Variants in SYTL2 observed in about 807,000 individuals in gnomAD.
SYTL2 encodes the protein synaptotagmin like 2, also known as synaptotagmin-like protein 2.
A neutral mutation model predicts 198.7 loss-of-function variants in SYTL2; 165 were observed. The observed-to-expected ratio is 0.83, with a 90% CI of 0.73 to 0.94. The LOEUF is 0.94. Ranked by LOEUF, SYTL2 falls within the 40% of genes least tolerant of loss-of-function variation. The probability of loss-of-function intolerance (pLI) is 0.00; values close to 1 mark genes in which losing one functional copy is unlikely to be tolerated. For missense variants in SYTL2, 2,835 were observed against 2,582.8 expected, an observed-to-expected ratio of 1.10 and a Z score of -2.12; for synonymous variants, 966 against 917.7, an observed-to-expected ratio of 1.05 and a Z score of -0.95.
chr11:85,764,238 A>T (rs2092177548), intron 1 of SYTL2, among the ~76,000 whole-genome samples: 1 of 152,212 alleles, frequency 6.6e-6, no homozygotes. Context: ...TTGTTCCCTC[A>T]ACTGTTCCTC....
the SYTL2 span, among the ~76,000 whole-genome samples, chr11:85,840,883 C>T: frequency 1.6e-3 from 245 of 152,086 alleles, no homozygotes; most frequent in African/African-American, 5.5e-3. Flanking sequence ...CAAAAGAAAC[C>T]ATCAACAGAG....
intron 1 of SYTL2, among the ~76,000 whole-genome samples, chr11:85,792,793 A>T (rs1331056954): frequency 6.9e-6 from 1 of 145,586 alleles, no homozygotes; most frequent in East Asian, 2.0e-4. Flanking sequence ...CACACCCCAC[A>T]ACAGTCCCCA....
chr11:85,853,263 G>A, the SYTL2 span: 52 of 432,704 alleles, frequency 1.2e-4, no homozygotes, highest in Non-Finnish European at 1.2e-4. Flanking sequence ...GATTGTTGCC[G>A]TGTCTTGAGT....
the SYTL2 span, among the ~76,000 whole-genome samples, chr11:85,836,535 T>G: frequency 6.6e-6 from 1 of 152,036 alleles, no homozygotes; most frequent in Admixed American, 6.6e-5. Context: ...CAACCCTAAA[T>G]GCCCCCTTCT....
chr11:85,798,555 T>C lies in SYTL2; in HGVS notation c.-390+12399A>G, dbSNP rs1042797341. ...TCCAGTCCCAGGTTTGATGATTCAC[T>C]AGGATAACTCAACAGGACAACATAC... On this transcript the variant is annotated intron_variant, in intron 1 of 19. Transcript: ENST00000359152. 1.2e-4 allele frequency among the ~76,000 whole-genome samples: 18 copies of C among 152,308 alleles called. 2 individuals are homozygous for C. The highest frequency in any genetic ancestry group is 3.3e-4 in the Admixed American group (5 of 15,298).
chr11:85,773,005 C>A (rs1430924733), intron 1 of SYTL2, among the ~76,000 whole-genome samples: 1 of 152,222 alleles, frequency 6.6e-6, no homozygotes, highest in Non-Finnish European at 1.5e-5. Context: ...AATCTGCCTT[C>A]ATAAGGTCAA....
intron 18 of SYTL2, 54 bp downstream of exon 18, chr11:85,697,925 C>G: frequency 8.4e-7 from 1 of 1,193,116 alleles, no homozygotes; most frequent in Non-Finnish European, 1.2e-6. Context: ...CCGAAACTAA[C>G]CAGCAAAGAC....
the SYTL2 span, among the ~76,000 whole-genome samples, chr11:85,817,502 T>C: frequency 2.0e-5 from 3 of 152,250 alleles, no homozygotes; most frequent in Admixed American, 6.5e-5. Flanking sequence ...AAAATTAATT[T>C]CATCTGTTTA....
chr11:85,821,357 C>CA, the SYTL2 span, among the ~76,000 whole-genome samples: 1 of 151,230 alleles, frequency 6.6e-6, no homozygotes, highest in African/African-American at 2.4e-5. Context: ...CTCCAGGAGT[C>CA]AAAAAAGGGA....
At chr11:85,745,191 C>T (rs939593554) in intron 4 of SYTL2, among the ~76,000 whole-genome samples, 9 of 152,256 alleles carry the variant, frequency 5.9e-5, no homozygotes, top group African/African-American at 1.7e-4. Context: ...GCTAATAAAT[C>T]GCAGATTCGG....
intron 1 of SYTL2, among the ~76,000 whole-genome samples, chr11:85,794,598 A>T (rs2092776610): frequency 6.6e-6 from 1 of 152,160 alleles, no homozygotes; most frequent in African/African-American, 2.4e-5. Context: ...TGGGCATCAC[A>T]TCTCTCCATG....
intron 1 of SYTL2, among the ~76,000 whole-genome samples, chr11:85,786,568 T>C (rs1259069429): frequency 1.3e-5 from 2 of 152,066 alleles, no homozygotes; most frequent in South Asian, 4.2e-4. Flanking sequence ...AAAGATTAAT[T>C]TAAAAACATT....
the SYTL2 span, among the ~76,000 whole-genome samples, chr11:85,817,901 TC>T: frequency 9.0e-3 from 1,027 of 113,674 alleles, 29 homozygotes; most frequent in African/African-American, 0.034. Context: ...TTGTGTCTTT[TC>T]TTTTTTTTTT....
At chr11:85,757,544 G>A (rs2091936105) in intron 2 of SYTL2, 81 bp downstream of exon 2, 13 of 1,501,542 alleles carry the variant, frequency 8.7e-6, no homozygotes, top group South Asian at 1.2e-5. Context: ...ACCACTTATA[G>A]TTGAAAAAAA....
chr11:85,848,430 A>C, the SYTL2 span, among the ~76,000 whole-genome samples: 1 of 151,414 alleles, frequency 6.6e-6, no homozygotes, highest in African/African-American at 2.4e-5. Flanking sequence ...GAAATTTTAT[A>C]GTTTTCACCT....
intron 1 of SYTL2, among the ~76,000 whole-genome samples, chr11:85,771,814 C>T (rs1260740121): frequency 6.6e-6 from 1 of 152,172 alleles, no homozygotes; most frequent in Non-Finnish European, 1.5e-5. Context: ...ACTGCCTACC[C>T]TCTTTGCTGA....
At chr11:85,807,484 T>C (rs534883425) in intron 1 of SYTL2, among the ~76,000 whole-genome samples, 2 of 152,316 alleles carry the variant, frequency 1.3e-5, no homozygotes, top group African/African-American at 4.8e-5. Context: ...GTGATTCTGG[T>C]AAGTGAGGAT....
rs780061910 is a variant in SYTL2, at chr11:85,724,550, C to T, written c.4808G>A (p.Arg1603Lys). ...AAAATGGGGCACTGTCCCCAAGAAC[C>T]TGGTCTGCTCTGACTGTGAGGACTC... ...EKESSQSEQT[R>K]FLGTVPHFYR... Residue 1603 changes from arginine to lysine, a missense_variant, in exon 8 of 20, where the codon AGG becomes AAG. Physicochemically the swap from Arg to Lys is conservative, Grantham distance 26. Transcript: ENST00000359152. 3 of 1,614,000 alleles carry T rather than the reference C, an allele frequency of 1.9e-6. No homozygotes were observed. The South Asian group carries it at 3.3e-5, about 18-fold the overall frequency.
chr11:85,837,566 CT>C, the SYTL2 span, among the ~76,000 whole-genome samples: 16 of 152,136 alleles, frequency 1.1e-4, no homozygotes, highest in Admixed American at 1.0e-3. Context: ...CGAATACATC[CT>C]TTTTAAGTCA....
Sources: allele counts gnomAD v4.1 joint callset (sites outside exome capture counted in the v4.1 genomes callset), GRCh38; gene constraint gnomAD v4.1.1; transcripts MANE v1.5; gene names NCBI Gene and HGNC (gene_info 2026-07-23, HGNC 2026-07-21).